HMGCLL1: variants seen among roughly 807,000 people sequenced by gnomAD.
HMGCLL1 encodes 3-hydroxy-3-methylglutaryl-CoA lyase like 1.
HMGCLL1 carries 36 observed loss-of-function variants against 39.1 expected under a neutral mutation model. The ratio of observed to expected loss-of-function variants is 0.92; its 90% CI spans 0.71 to 1.22. The LOEUF is 1.22. Among genes scored for constraint, HMGCLL1 ranks in the 50% most tolerant of loss-of-function variants. HMGCLL1 has a pLI of 0.00. For missense variants in HMGCLL1, 451 were observed against 416.5 expected (o/e 1.08, Z -0.72); for synonymous variants, 149 against 144.0 (o/e 1.03, Z -0.25).
Position 55,579,051 on chromosome 6 carries a change from C to T in HMGCLL1, c.5G>A (p.Gly2Glu), listed in dbSNP as rs1771910087. The T allele has an allele frequency of 6.2e-7, 1 of 1,609,526 alleles. No homozygotes were observed. The highest frequency in any genetic ancestry group is 8.5e-7 in the Non-Finnish European group (1 of 1,177,640). M[G>E]NVPSAVKHCL... ...GTGCTTCACCGCGGATGGCACATTC[C>T]CCATGGCGGAGCCTGGGGCGGCAGT... Residue 2 changes from glycine to glutamate, a missense_variant, in exon 1 of 9, where the codon GGG (glycine) becomes GAG (glutamate). Coordinates refer to ENST00000274901, the MANE Select transcript of HMGCLL1 (RefSeq NM_001042406.2).
intron 1 of HMGCLL1, among the ~76,000 whole-genome samples, chr6:55,543,899 A>C (rs925077813): frequency 1.3e-5 from 2 of 151,986 alleles, no homozygotes; most frequent in East Asian, 3.9e-4. Context: ...TTTAAGTTAA[A>C]AGACTATTTC....
At chr6:55,539,429 G>A (rs114997507) in intron 3 of HMGCLL1, among the ~76,000 whole-genome samples, 1,916 of 152,166 alleles carry the variant, frequency 0.013, 34 homozygotes, top group African/African-American at 0.044. Flanking sequence ...GTAAAGACGT[G>A]TAATCAACCT....
At chr6:55,677,899 A>C in the HMGCLL1 span, among the ~76,000 whole-genome samples, 1 of 152,208 alleles carries the variant, frequency 6.6e-6, no homozygotes, top group Admixed American at 6.5e-5. Flanking sequence ...GGCTGCCTCA[A>C]TGTCTATCTG....
At chr6:55,485,014 G>A (rs1294088063) in intron 7 of HMGCLL1, among the ~76,000 whole-genome samples, 2 of 152,034 alleles carry the variant, frequency 1.3e-5, no homozygotes, top group African/African-American at 2.4e-5. Context: ...CAGCCACACT[G>A]GCCACATGTT....
At chr6:55,633,096 A>G in the HMGCLL1 span, among the ~76,000 whole-genome samples, 1 of 152,134 alleles carries the variant, frequency 6.6e-6, no homozygotes, top group Non-Finnish European at 1.5e-5. Context: ...GAATATAAGC[A>G]GAGAAGTACA....
At chr6:55,494,344 A>AC (rs70986720) in intron 7 of HMGCLL1, among the ~76,000 whole-genome samples, 103,977 of 151,916 alleles carry the variant, frequency 0.68, 35,588 homozygotes, top group Non-Finnish European at 0.7. Flanking sequence ...CCCTTCAGAA[A>AC]AATAACTTCC....
chr6:55,571,138 G>A (rs6921563), intron 1 of HMGCLL1, among the ~76,000 whole-genome samples: 58,945 of 152,030 alleles, frequency 0.39, 11,706 homozygotes, highest in East Asian at 0.57. Context: ...GCCAAACCAT[G>A]TCAAATACCT....
chr6:55,586,824 T>C, the HMGCLL1 span, among the ~76,000 whole-genome samples: 1 of 152,138 alleles, frequency 6.6e-6, no homozygotes, highest in Non-Finnish European at 1.5e-5. Flanking sequence ...GTTCCAAGTC[T>C]TTGCTATTAT....
chr6:55,486,243 A>T (rs939619042), intron 7 of HMGCLL1, among the ~76,000 whole-genome samples: 2 of 151,914 alleles, frequency 1.3e-5, no homozygotes, highest in African/African-American at 4.8e-5. Flanking sequence ...CTAAATATTT[A>T]AAAAATAATT....
intron 6 of HMGCLL1, among the ~76,000 whole-genome samples, chr6:55,496,895 C>A (rs1766610528): frequency 6.6e-6 from 1 of 152,066 alleles, no homozygotes; most frequent in Admixed American, 6.6e-5. Flanking sequence ...AAAAGTTATA[C>A]CTAGATTTTT....
chr6:55,445,202 T>C (rs1763764720), intron 7 of HMGCLL1, among the ~76,000 whole-genome samples: 1 of 152,024 alleles, frequency 6.6e-6, no homozygotes, highest in African/African-American at 2.4e-5. Flanking sequence ...CTTTATTAAG[T>C]GTGTAATTTT....
intron 7 of HMGCLL1, among the ~76,000 whole-genome samples, chr6:55,440,824 A>G (rs1295255575): frequency 6.6e-6 from 1 of 152,110 alleles, no homozygotes; most frequent in African/African-American, 2.4e-5. Context: ...GCTGCTGCTC[A>G]TGTGGGAATC....
intron 3 of HMGCLL1, among the ~76,000 whole-genome samples, chr6:55,537,094 T>C (rs1313749072): frequency 6.6e-6 from 1 of 151,862 alleles, no homozygotes; most frequent in Non-Finnish European, 1.5e-5. Flanking sequence ...TCTGACTTCA[T>C]AAGATTTTTT....
intron 7 of HMGCLL1, among the ~76,000 whole-genome samples, chr6:55,444,641 C>T (rs1188272276): frequency 6.6e-6 from 1 of 151,992 alleles, no homozygotes; most frequent in Non-Finnish European, 1.5e-5. Context: ...TGGTAATGAT[C>T]ATGGGTGCTA....
chr6:55,444,110 A>C (rs2127383641), intron 7 of HMGCLL1, among the ~76,000 whole-genome samples: 1 of 152,208 alleles, frequency 6.6e-6, no homozygotes, highest in South Asian at 2.1e-4. Flanking sequence ...TTCCATATAT[A>C]CATTATAGTT....
At chr6:55,669,102 G>A in the HMGCLL1 span, among the ~76,000 whole-genome samples, 2 of 144,108 alleles carry the variant, frequency 1.4e-5, no homozygotes, top group African/African-American at 2.6e-5. Context: ...GAAAACAGTA[G>A]AGAAGGAGGA....
the HMGCLL1 span, among the ~76,000 whole-genome samples, chr6:55,661,619 G>A: frequency 6.6e-6 from 1 of 151,948 alleles, no homozygotes; most frequent in Non-Finnish European, 1.5e-5. Flanking sequence ...CTGTAGCCCT[G>A]TAGTATAGTT....
chr6:55,672,680 T>C, the HMGCLL1 span, among the ~76,000 whole-genome samples: 1 of 151,856 alleles, frequency 6.6e-6, no homozygotes, highest in Non-Finnish European at 1.5e-5. Flanking sequence ...GAAGTACTAT[T>C]CAAACATGCA....
the HMGCLL1 span, among the ~76,000 whole-genome samples, chr6:55,651,112 T>G: frequency 6.6e-6 from 1 of 151,788 alleles, no homozygotes; most frequent in African/African-American, 2.4e-5. Flanking sequence ...ATAGAAAGAG[T>G]CTTTCACTGT....
Sources: allele counts gnomAD v4.1 joint callset (sites outside exome capture counted in the v4.1 genomes callset), GRCh38; gene constraint gnomAD v4.1.1; transcripts MANE v1.5; gene names NCBI Gene and HGNC (gene_info 2026-07-23, HGNC 2026-07-21).